The following HMCN1 variants were observed in gnomAD, a reference collection of about 807,000 sequenced individuals.
HMCN1 encodes hemicentin-1.
A neutral mutation model predicts 625.9 loss-of-function variants in HMCN1; 321 were observed. The ratio of observed to expected loss-of-function variants is 0.51; its 90% confidence interval spans 0.47 to 0.56. The LOEUF is 0.56. HMCN1 is among the 20% of genes least tolerant of loss of function. HMCN1 has a pLI of 0.00. For missense variants in HMCN1, 6,588 were observed against 6,887.3 expected (o/e 0.96, Z 1.54); for synonymous variants, 2,425 against 2,417.6 (o/e 1.00, Z -0.09).
chr1:186,072,268 A>G (rs1479388139), intron 52 of HMCN1, among the ~76,000 whole-genome samples: 1 of 152,224 alleles, frequency 6.6e-6, no homozygotes, highest in Non-Finnish European at 1.5e-5. Context: ...AAAACTGGAC[A>G]AAGTATTGGC....
intron 1 of HMCN1, among the ~76,000 whole-genome samples, chr1:185,750,749 A>G (rs1654751914): frequency 6.6e-6 from 1 of 151,740 alleles, no homozygotes; most frequent in South Asian, 2.1e-4. Context: ...TATTTCTATG[A>G]TCTTATTTTA....
chr1:186,049,023 A>G (rs1656771045), intron 42 of HMCN1, among the ~76,000 whole-genome samples, 184 bp downstream of exon 42: 1 of 152,050 alleles, frequency 6.6e-6, no homozygotes, highest in Non-Finnish European at 1.5e-5. Context: ...GTAACTCTAG[A>G]TGAACTTTCT....
chr1:186,111,473 A>G (rs1281386177), intron 71 of HMCN1, among the ~76,000 whole-genome samples: 1 of 151,882 alleles, frequency 6.6e-6, no homozygotes, highest in East Asian at 1.9e-4. Flanking sequence ...ACAGAGCAAG[A>G]CCCCACCTGA....
chr1:186,188,239 C>G lies in HMCN1; in HGVS notation c.16541+230C>G, dbSNP rs560811353. ...TCTTGGCTGCCAGTGTTGCCTGGAG[C>G]AGTCTTCCCAGAATATAACATGTAA... On this transcript the variant is annotated intron_variant, in intron 106 of 106. Coordinates refer to ENST00000271588, the MANE Select transcript of HMCN1 (RefSeq NM_031935.3). Among the ~76,000 whole-genome samples the G allele has an allele frequency of 1.6e-4, 25 of 152,344 alleles. No homozygotes were observed. The South Asian group carries it at 4.8e-3, about 29-fold the overall frequency.
At chr1:186,042,365 C>T (rs1192054366) in intron 40 of HMCN1, among the ~76,000 whole-genome samples, 1 of 152,132 alleles carries the variant, frequency 6.6e-6, no homozygotes, top group Non-Finnish European at 1.5e-5. Flanking sequence ...AAGTATGTAA[C>T]ACAATAGTTC....
chr1:185,872,257 CT>C (rs199963800), intron 4 of HMCN1, among the ~76,000 whole-genome samples: 7 of 151,296 alleles, frequency 4.6e-5, no homozygotes, highest in South Asian at 2.1e-4. Context: ...CTTTCTTTCT[CT>C]TTTTTTTTGT....
At chr1:185,878,162 T>C (rs1281203385) in intron 4 of HMCN1, among the ~76,000 whole-genome samples, 2 of 152,186 alleles carry the variant, frequency 1.3e-5, no homozygotes, top group African/African-American at 4.8e-5. Context: ...CTTTAGAGTT[T>C]TCTAGGTATA....
intron 75 of HMCN1, 95 bp from the exon 76 acceptor site, chr1:186,116,899 T>C: frequency 7.2e-7 from 1 of 1,384,986 alleles, no homozygotes; most frequent in Non-Finnish European, 1.0e-6. Flanking sequence ...GAGTACTGTT[T>C]TCATCAATTT....
At chr1:185,900,535 A>G (rs923208914) in intron 4 of HMCN1, among the ~76,000 whole-genome samples, 8 of 151,962 alleles carry the variant, frequency 5.3e-5, no homozygotes, top group Non-Finnish European at 1.2e-4. Flanking sequence ...ATTTTAGTCC[A>G]CATAGATGGC....
chr1:185,909,571 C>G, intron 5 of HMCN1, 63 bp downstream of exon 5: 1 of 1,417,884 alleles, frequency 7.1e-7, no homozygotes, highest in Non-Finnish European at 9.9e-7. Flanking sequence ...ATACTTTTCA[C>G]ACACTTGTTT....
intron 26 of HMCN1, among the ~76,000 whole-genome samples, 164 bp downstream of exon 26, chr1:186,000,403 CAT>C (rs1447248284): frequency 2.6e-5 from 4 of 151,974 alleles, no homozygotes; most frequent in African/African-American, 9.7e-5. Context: ...TTTAAACTTT[CAT>C]GTAATTTTTT....
intron 2 of HMCN1, among the ~76,000 whole-genome samples, chr1:185,862,696 T>C (rs1161553601): frequency 6.6e-6 from 1 of 152,128 alleles, no homozygotes; most frequent in Non-Finnish European, 1.5e-5. Flanking sequence ...CAAAAATGCA[T>C]ATAAGTGATA....
rs1650632795 is a variant in HMCN1, at chr1:186,151,076, CAT to C, written c.14609-121_14609-120del. On this transcript the variant is annotated intron_variant, in intron 93 of 106. Transcript: ENST00000271588. ...TTATTTCACTATTAAATTCAGATGT[CAT>C]ATGACCTTTTTGATGTTTGAGAAAA... is the stretch of plus-strand genomic sequence containing the variant. The C allele has an allele frequency of 4.4e-5, 39 of 891,168 alleles. No individual in the cohort carries two copies. In the South Asian group the frequency reaches 5.5e-4, roughly 13 times the overall value. The allele number at this position is 891,168 out of a possible 1,614,324, so 55.2% of individuals were successfully genotyped here. A position where few individuals can be genotyped will look rare whatever the true frequency, so the allele number is the denominator to read the frequency against.
rs771236890 is a variant in HMCN1, at chr1:185,911,677, A to C, written c.797A>C (p.Lys266Thr). The C allele has an allele frequency of 1.9e-5, 30 of 1,605,706 alleles. No homozygotes were observed. The part of the protein sequence containing the change: ...PMIEIRNPLG[K>T]LIKKGFGLHE... ...ACCTTTATGTTCTGTCTTTCAGGGA[A>C]GCTGATAAAAAAGGGATTTGGCCTG... The change falls in exon 6 of 107, where the codon AAG (lysine) becomes ACG (threonine). Residue 266 changes from lysine (K) to threonine (T), a missense_variant. Around this residue, in one of 3 missense-constraint regions of HMCN1, gnomAD observed 4,628 missense variants for 4,853.1 expected, o/e 0.95. Coordinates refer to ENST00000271588, the MANE Select transcript of HMCN1 (RefSeq NM_031935.3).
In HMCN1 at chr1:185,883,879, A is replaced by ATTTTTTTTT. The variant is rs1205211897; in HGVS notation, c.621+18034_621+18042dup. ...AATCAATTAATAGATATAGGTCATG[A>ATTTTTTTTT]TTTTTTTTTTTTTTTTTTTTTTTTT... On this transcript the variant is annotated intron_variant, in intron 4 of 106. Transcript: ENST00000271588. 2.0e-4 allele frequency among the ~76,000 whole-genome samples: 11 copies of ATTTTTTTTT among 55,950 alleles called. No homozygotes were observed. In the East Asian group the frequency reaches 2.2e-3, roughly 11 times the overall value. 36.7% of individuals were successfully genotyped at this position (55,950 alleles called of 152,430 possible).
chr1:185,959,273 A>T (rs748137248), intron 11 of HMCN1, among the ~76,000 whole-genome samples: 3 of 152,198 alleles, frequency 2.0e-5, no homozygotes, highest in Non-Finnish European at 2.9e-5. Flanking sequence ...AGCTGACAGG[A>T]AATGTGTCTC....
chr1:185,922,522 A>G (rs772237229), intron 7 of HMCN1, 23 bp downstream of exon 7: 2 of 1,579,034 alleles, frequency 1.3e-6, no homozygotes, highest in Non-Finnish European at 1.7e-6. Context: ...ATATTATTTA[A>G]ATTGACATAA....
At chr1:186,125,519 A>T in intron 81 of HMCN1, 85 bp from the exon 82 acceptor site, 1 of 1,029,292 alleles carries the variant, frequency 9.7e-7, no homozygotes, top group Non-Finnish European at 1.5e-6. Context: ...CCCTGAAAAG[A>T]GTTTTTTATG....
chr1:185,861,184 T>C (rs1195134795), intron 2 of HMCN1, among the ~76,000 whole-genome samples: 2 of 152,152 alleles, frequency 1.3e-5, no homozygotes, highest in African/African-American at 4.8e-5. Context: ...AGGGCAAATT[T>C]ATACCCAAGT....
Sources: allele counts gnomAD v4.1 joint callset (sites outside exome capture counted in the v4.1 genomes callset), GRCh38; gene constraint gnomAD v4.1.1; regional missense constraint gnomAD v4.1.1; transcripts MANE v1.5; gene names NCBI Gene and HGNC (gene_info 2026-07-23, HGNC 2026-07-21).